Variants in PCDHGB6 observed in about 807,000 individuals in gnomAD.
PCDHGB6 encodes the protein protocadherin gamma subfamily B, 6.
Under a neutral mutation model 59.1 loss-of-function variants are expected in PCDHGB6, and 51 were observed. That is an observed-to-expected ratio of 0.86 (90% CI 0.69 to 1.09). The LOEUF (loss-of-function observed/expected upper bound fraction) is 1.09. Among genes scored for constraint, PCDHGB6 ranks in the 50% least tolerant of loss-of-function variants. The pLI, the probability that PCDHGB6 is intolerant of heterozygous loss-of-function variation, is 0.00. For synonymous variants in PCDHGB6, 466 were observed against 495.1 expected, an observed-to-expected ratio of 0.94 and a Z score of 0.78; for missense variants, 1,148 against 1,205.1, an observed-to-expected ratio of 0.95 and a Z score of 0.70.
chr5:141,490,544 A>G lies in PCDHGB6; in HGVS notation c.2419-4263A>G. 6.2e-7 allele frequency: 1 copy of G among 1,614,120 alleles called. No individual in the cohort carries two copies. Among genetic ancestry groups the G allele is most frequent in the Non-Finnish European group, 8.5e-7 (1 of 1,180,028 alleles). ...AGCGATGCTGGTTCACCTTCCCTAC[A>G]CAAACATCTCACCATCAGGCTCAAC... On this transcript the variant is annotated intron_variant, in intron 1 of 3. Transcript: ENST00000520790. This position sits in a 1 kb window ranked among gnomAD's most constrained non-coding sequence, Gnocchi z 5.4.
chr5:141,463,438 CTTTTTTT>C (rs71576115), intron 1 of PCDHGB6, among the ~76,000 whole-genome samples: 1 of 103,252 alleles, frequency 9.7e-6, no homozygotes, highest in Non-Finnish European at 1.9e-5. Flanking sequence ...TTTCCTTCTC[CTTTTTTT>C]TTTTTTTTTT....
rs748261010 is a variant in PCDHGB6, at chr5:141,409,825, G to T, written c.1623G>T (p.Thr541=). The change falls in exon 1 of 4, where the codon ACG becomes ACT. Residue 541 remains threonine, a synonymous_variant. Coordinates refer to ENST00000520790, the MANE Select transcript of PCDHGB6 (RefSeq NM_018926.3). Reference sequence around the variant, plus strand: ...AGGCCCGCGACCACGGCTCGCCCACGCTCAGCGCCAACGTGAGCCTGCGCG... The same window carrying T: ...AGGCCCGCGACCACGGCTCGCCCACTCTCAGCGCCAACGTGAGCCTGCGCG... ...TLQARDHGSP[T]LSANVSLRVL... is the part of the protein sequence containing the mutation. The T allele has an allele frequency of 5.0e-6, 8 of 1,610,680 alleles. No homozygotes were observed. The highest frequency in any genetic ancestry group is 3.4e-5 in the Admixed American group (2 of 59,606).
In PCDHGB6 at chr5:141,489,633, T is replaced by C. The variant is rs1298084961; in HGVS notation, c.2419-5174T>C. On this transcript the variant is annotated intron_variant, in intron 1 of 3. Coordinates refer to ENST00000520790, the MANE Select transcript of PCDHGB6 (RefSeq NM_018926.3). The surrounding 1 kb of genome is among the most constrained non-coding windows in gnomAD (Gnocchi z 4.5). ...TCCTGGATCTCAATGACAACTCTCC[T>C]AGCTTTGCCACCCCTGAGCGAGAGA... The C allele has an allele frequency of 6.2e-7, 1 of 1,614,160 alleles. No individual in the cohort carries two copies. Among genetic ancestry groups the C allele is most frequent in the South Asian group, 1.1e-5 (1 of 91,086 alleles).
rs943867570 is a variant in PCDHGB6 at position 141,493,651 on chromosome 5, T to C, written c.2419-1156T>C. On this transcript the variant is annotated intron_variant, in intron 1 of 3. Coordinates refer to ENST00000520790, the MANE Select transcript of PCDHGB6 (RefSeq NM_018926.3). The surrounding 1 kb of genome is among the most constrained non-coding windows in gnomAD (Gnocchi z 4.3). ...AGTGGCTGAGGGCTGGCCATCCCTGTGCCCTTCTCCATGGCAGCCCCAGAA... is the reference window on the plus strand; with the variant it reads ...AGTGGCTGAGGGCTGGCCATCCCTGCGCCCTTCTCCATGGCAGCCCCAGAA... Among the ~76,000 whole-genome samples, 1 of 152,204 alleles carries C rather than the reference T, an allele frequency of 6.6e-6. No individual in the cohort carries two copies. The highest frequency in any genetic ancestry group is 1.5e-5 in the Non-Finnish European group (1 of 68,030).
At chr5:141,422,181 G>A in intron 1 of PCDHGB6, 3 of 1,561,316 alleles carry the variant, frequency 1.9e-6, no homozygotes, top group Non-Finnish European at 2.6e-6. Flanking sequence ...TCTATGAGAT[G>A]GAAATTCAAG....
At position 141,476,565 on chromosome 5, in the gene PCDHGB6, C is replaced by A; in HGVS notation, c.2419-18242C>A. 1 of 1,614,184 alleles carries A rather than the reference C, an allele frequency of 6.2e-7. No homozygotes were observed. ...TTGGAGATTAGCGAGGCCGTGGCTC[C>A]GGGGACGCGCTTTCCGCTCGAGAGC... On this transcript the variant is annotated intron_variant, in intron 1 of 3. Coordinates refer to ENST00000520790, the MANE Select transcript of PCDHGB6 (RefSeq NM_018926.3). The surrounding 1 kb of genome is among the most constrained non-coding windows in gnomAD (Gnocchi z 7.6).
Position 141,432,059 on chromosome 5 carries a change from A to T in PCDHGB6, c.2418+21439A>T. On this transcript the variant is annotated intron_variant, in intron 1 of 3. Transcript: ENST00000520790. This position sits in a 1 kb window ranked among gnomAD's most constrained non-coding sequence, Gnocchi z 6.0. ...TGACCGGGGAACCCCGCCCCTATCC[A>T]CGGAAACTCATATCTCGCTGAACGT... The T allele has an allele frequency of 6.2e-7, 1 of 1,614,170 alleles. No homozygotes were observed. Among genetic ancestry groups the T allele is most frequent in the Non-Finnish European group, 8.5e-7 (1 of 1,180,030 alleles).
rs995968509 is a variant in PCDHGB6, at chr5:141,477,065, C to T, written c.2419-17742C>T. ...TCGGCTGGACTTCGAGGACACCAAA[C>T]TCCATGAGATTTACATCCAGGCCAA... On this transcript the variant is annotated intron_variant, in intron 1 of 3. Coordinates refer to ENST00000520790, the MANE Select transcript of PCDHGB6 (RefSeq NM_018926.3). The surrounding 1 kb of genome is among the most constrained non-coding windows in gnomAD (Gnocchi z 4.9). 15 of 1,614,144 alleles carry T rather than the reference C, an allele frequency of 9.3e-6. No homozygotes were observed. The highest frequency in any genetic ancestry group is 3.3e-5 in the Admixed American group (2 of 60,018).
chr5:141,427,726 T>G (rs2097061742), intron 1 of PCDHGB6: 1 of 1,155,034 alleles, frequency 8.7e-7, no homozygotes, highest in Non-Finnish European at 1.3e-6. Context: ...GACCTAGGGC[T>G]GAATGGCCAA....
At chr5:141,413,369 A>G (rs767278842) in intron 1 of PCDHGB6, 1 of 1,613,964 alleles carries the variant, frequency 6.2e-7, no homozygotes, top group South Asian at 1.1e-5. Context: ...GAGCTGGCGG[A>G]GCGCGGAGTC....
chr5:141,418,419 A>G (rs1181055959), intron 1 of PCDHGB6: 1 of 1,613,900 alleles, frequency 6.2e-7, no homozygotes, highest in Non-Finnish European at 8.5e-7. Flanking sequence ...GACAATCCTG[A>G]TGGTGGCAAA....
At chr5:141,481,879 A>G (rs1204365605) in intron 1 of PCDHGB6, among the ~76,000 whole-genome samples, 1 of 144,890 alleles carries the variant, frequency 6.9e-6, no homozygotes, top group Non-Finnish European at 1.5e-5. Context: ...GCGCCACTGC[A>G]CTCCAGCCTG....
intron 1 of PCDHGB6, among the ~76,000 whole-genome samples, chr5:141,425,036 G>A (rs574813328): frequency 1.3e-5 from 2 of 152,238 alleles, no homozygotes; most frequent in East Asian, 3.9e-4. Context: ...GTCATTAGTT[G>A]TAAACTGACT....
At chr5:141,505,347 T>C in intron 2 of PCDHGB6, 46 bp from the exon 3 acceptor site, 4 of 1,613,346 alleles carry the variant, frequency 2.5e-6, no homozygotes, top group Non-Finnish European at 2.5e-6. Context: ...GGGCATGAGC[T>C]GTGCCGGCCT....
At chr5:141,467,767 C>T (rs72790060) in intron 1 of PCDHGB6, among the ~76,000 whole-genome samples, 25,555 of 151,632 alleles carry the variant, frequency 0.17, 2,195 homozygotes, top group South Asian at 0.22. Context: ...GCTCAAGTGC[C>T]CGCACCTCAG....
chr5:141,417,658 G>C, intron 1 of PCDHGB6: 2 of 869,072 alleles, frequency 2.3e-6, no homozygotes, highest in Non-Finnish European at 1.7e-6. Context: ...TCTAGCCTGG[G>C]ATTCCCTGCG....
Position 141,490,220 on chromosome 5 carries a change from A to G in PCDHGB6, c.2419-4587A>G. 6.2e-7 allele frequency: 1 copy of G among 1,614,252 alleles called. No individual in the cohort carries two copies. Among genetic ancestry groups the G allele is most frequent in the Non-Finnish European group, 8.5e-7 (1 of 1,180,044 alleles). On this transcript the variant is annotated intron_variant, in intron 1 of 3. Coordinates refer to ENST00000520790, the MANE Select transcript of PCDHGB6 (RefSeq NM_018926.3). This position sits in a 1 kb window ranked among gnomAD's most constrained non-coding sequence, Gnocchi z 5.4. The stretch of plus-strand genomic sequence containing the variant: ...CATGCAAGAGCCCGTGACCAGGGAC[A>G]GCCTGCCATGGAGGGCCACTGTGTG...
At chr5:141,503,598 CAAAAAAA>C (rs765754054) in intron 2 of PCDHGB6, among the ~76,000 whole-genome samples, 8 of 65,766 alleles carry the variant, frequency 1.2e-4, no homozygotes, top group South Asian at 1.1e-3. Context: ...GACTCCAGCT[CAAAAAAA>C]AAAAAAAAAG....
intron 1 of PCDHGB6, chr5:141,413,182 G>A (rs752788034): frequency 6.2e-7 from 1 of 1,604,164 alleles, no homozygotes; most frequent in Non-Finnish European, 8.5e-7. Context: ...TACAATGGCC[G>A]CTCAAAGGAA....
Sources: allele counts gnomAD v4.1 joint callset (sites outside exome capture counted in the v4.1 genomes callset), GRCh38; gene constraint gnomAD v4.1.1; non-coding constraint Gnocchi (gnomAD v3.1); transcripts MANE v1.5; gene names NCBI Gene and HGNC (gene_info 2026-07-23, HGNC 2026-07-21).